CTBP2: variants seen among roughly 807,000 people sequenced by gnomAD.
The protein encoded by CTBP2 is C-terminal binding protein 2, also known as C-terminal-binding protein 2.
CTBP2 carries 30 observed loss-of-function variants against 80.3 expected under a neutral mutation model. The observed-to-expected ratio is 0.37, with a 90% CI of 0.28 to 0.51. The LOEUF (loss-of-function observed/expected upper bound fraction) is 0.51. Among genes scored for constraint, CTBP2 ranks in the 20% least tolerant of loss-of-function variants. CTBP2 has a pLI of 0.93. For synonymous variants in CTBP2, 594 were observed against 587.4 expected, an observed-to-expected ratio of 1.01 and a Z score of -0.16; for missense variants, 1,212 against 1,375.3, an observed-to-expected ratio of 0.88 and a Z score of 1.88.
At chr10:125,128,918 C>T (rs1047169391) in intron 1 of CTBP2, among the ~76,000 whole-genome samples, 1 of 152,044 alleles carries the variant, frequency 6.6e-6, no homozygotes, top group Admixed American at 6.5e-5. Context: ...AATGGGTGAG[C>T]GGGTAAAGAA....
intron 1 of CTBP2, among the ~76,000 whole-genome samples, chr10:125,152,135 G>A (rs1354913317): frequency 6.6e-6 from 1 of 152,000 alleles, no homozygotes; most frequent in Admixed American, 6.5e-5. Flanking sequence ...GTTCTGGCCC[G>A]CGGGGGCGGG....
intron 7 of CTBP2, 121 bp from the exon 10 acceptor site, chr10:124,992,933 G>A: frequency 1.1e-6 from 1 of 904,954 alleles, no homozygotes; most frequent in Non-Finnish European, 1.7e-6. Flanking sequence ...ACATCCAAAG[G>A]CCCAAGTGCT....
intron 2 of CTBP2, among the ~76,000 whole-genome samples, chr10:125,069,890 C>CA (rs1398530353): frequency 7.8e-6 from 1 of 128,312 alleles, no homozygotes; most frequent in Non-Finnish European, 1.8e-5. Context: ...GCCCCCCTCC[C>CA]CCCCCCACAC....
In CTBP2 at chr10:124,986,309, A is replaced by ACACACACACC. The variant is rs2134016433; in HGVS notation, c.*3208_*3209insGGTGTGTGTG. The ACACACACACC allele has an allele frequency of 7.8e-6, 1 of 128,640 alleles. No homozygotes were observed. Among genetic ancestry groups the ACACACACACC allele is most frequent in the East Asian group, 2.0e-4 (1 of 5,092 alleles). 8.0% of individuals were successfully genotyped at this position (128,640 alleles called of 1,614,324 possible). On this transcript the variant is annotated 3_prime_UTR_variant, in exon 9 of 9. Transcript: ENST00000309035. ...CGCGCGCGCACACACACACACACACACACACACACACACAGTTTTTTCCTT... is the reference window on the plus strand; with the variant it reads ...CGCGCGCGCACACACACACACACACACACACACACCCACACACACACACAGTTTTTTCCTT...
At chr10:125,006,275 G>A (rs1436078740) in intron 1 of CTBP2, among the ~76,000 whole-genome samples, 1 of 151,914 alleles carries the variant, frequency 6.6e-6, no homozygotes, top group African/African-American at 2.4e-5. Flanking sequence ...TTCTCATGCT[G>A]GGAAAAGATG....
At chr10:125,031,557 C>A (rs1322219423), upstream of CTBP2, among the ~76,000 whole-genome samples, 2 of 151,278 alleles carry the variant, frequency 1.3e-5, no homozygotes, top group African/African-American at 4.9e-5. Context: ...CCCGAACGTC[C>A]TCAACCCAAA....
chr10:125,038,132 C>T (rs1482122079), intron 3 of CTBP2, among the ~76,000 whole-genome samples: 6 of 152,212 alleles, frequency 3.9e-5, no homozygotes, highest in East Asian at 3.8e-4. Context: ...GTCCCCACCC[C>T]GTGTGGCATG....
At chr10:125,080,285 G>GT (rs777241970) in intron 2 of CTBP2, among the ~76,000 whole-genome samples, 1 of 147,654 alleles carries the variant, frequency 6.8e-6, no homozygotes, top group Non-Finnish European at 1.5e-5. Flanking sequence ...TGGATTAGGG[G>GT]TAAAAAAAAA....
chr10:125,002,096 G>A (rs916217766), intron 3 of CTBP2, among the ~76,000 whole-genome samples: 9 of 152,198 alleles, frequency 5.9e-5, no homozygotes, highest in Non-Finnish European at 1.0e-4. Context: ...GCTGTTCCAA[G>A]GCCAGGCTGC....
upstream of CTBP2, among the ~76,000 whole-genome samples, chr10:125,031,350 G>A (rs547637601): frequency 1.1e-4 from 17 of 151,898 alleles, no homozygotes; most frequent in East Asian, 3.3e-3. Context: ...TTAGCCGGGC[G>A]TGGTGGCGGG....
rs528359430 is a variant in CTBP2 at position 125,009,295 on chromosome 10, C to T, written c.1679-5803G>A. Among the ~76,000 whole-genome samples, 356 of 152,326 alleles carry T rather than the reference C, an allele frequency of 2.3e-3. 1 individual carries two copies. Among genetic ancestry groups the T allele is most frequent in the Middle Eastern group, 6.8e-3 (2 of 294 alleles). ...TCACGGCTTCATCAGCCCCTGTGAC[C>T]TGCAGGTGGCCTGGGAGGCAGGAGG... On this transcript the variant is annotated intron_variant, in intron 1 of 8. Transcript: ENST00000309035.
In CTBP2 at chr10:125,027,830, A is replaced by G. The variant is rs1957813606; in HGVS notation, c.-71T>C. The G allele has an allele frequency of 6.9e-7, 1 of 1,447,092 alleles. No homozygotes were observed. The highest frequency in any genetic ancestry group is 1.4e-5 in the African/African-American group (1 of 70,148). 89.6% of individuals were successfully genotyped at this position (1,447,092 alleles called of 1,614,324 possible). A position where few individuals can be genotyped will look rare whatever the true frequency, so the allele number is the denominator to read the frequency against. On this transcript the variant is annotated 5_prime_UTR_variant, in exon 1 of 9. Coordinates refer to ENST00000309035, the MANE Select transcript of CTBP2 (RefSeq NM_022802.3). ...TATAAATCTTCAATTACATACATCA[A>G]AAACAGACCTGGCTGTGTGCTAACC...
intron 1 of CTBP2, among the ~76,000 whole-genome samples, chr10:125,116,946 C>T (rs952001295): frequency 2.0e-5 from 3 of 152,208 alleles, no homozygotes; most frequent in Admixed American, 2.0e-4. Flanking sequence ...GACTCGAGGC[C>T]ATGAGAAGCA....
At chr10:125,019,833 T>A (rs1422987206) in intron 1 of CTBP2, among the ~76,000 whole-genome samples, 2 of 152,130 alleles carry the variant, frequency 1.3e-5, no homozygotes, top group Non-Finnish European at 2.9e-5. Context: ...AAGGACACTA[T>A]CAAGAAATTG....
chr10:125,035,987 A>G (rs1958826548), intron 3 of CTBP2, among the ~76,000 whole-genome samples: 1 of 152,240 alleles, frequency 6.6e-6, no homozygotes, highest in Non-Finnish European at 1.5e-5. Context: ...TATAAATAGC[A>G]AACTCAAAGA....
intron 2 of CTBP2, among the ~76,000 whole-genome samples, chr10:125,107,100 G>C (rs182521223): frequency 1.5e-4 from 23 of 152,310 alleles, no homozygotes; most frequent in African/African-American, 4.3e-4. Flanking sequence ...ACATCCAGAA[G>C]GCACAGGAAT....
intron 2 of CTBP2, among the ~76,000 whole-genome samples, chr10:125,053,987 T>G (rs1252010970): frequency 6.6e-6 from 1 of 152,070 alleles, no homozygotes; most frequent in African/African-American, 2.4e-5. Context: ...CGAAGCCGGA[T>G]AGCTCTGCAC....
At chr10:125,108,494 T>C (rs969457336) in intron 2 of CTBP2, among the ~76,000 whole-genome samples, 1 of 152,200 alleles carries the variant, frequency 6.6e-6, no homozygotes, top group Admixed American at 6.5e-5. Flanking sequence ...CTGGTTGAAA[T>C]CCATACGTGG....
intron 3 of CTBP2, among the ~76,000 whole-genome samples, chr10:125,001,930 G>A (rs1013488937): frequency 6.6e-6 from 1 of 152,046 alleles, no homozygotes; most frequent in African/African-American, 2.4e-5. Context: ...GGTGGTGCCC[G>A]AGAGCAGGAT....
Sources: gnomAD v4.1 joint callset for allele counts (sites outside exome capture counted in the v4.1 genomes callset) on GRCh38, gnomAD v4.1.1 for gene constraint, MANE v1.5 for transcripts, NCBI Gene and HGNC (gene_info 2026-07-23, HGNC 2026-07-21) for gene names.